ESCO2: variants seen among roughly 807,000 people sequenced by gnomAD.
The protein encoded by ESCO2 is N-acetyltransferase ESCO2.
Under a neutral mutation model 61.7 loss-of-function variants are expected in ESCO2, and 51 were observed. The observed-to-expected ratio is 0.83, with a 90% CI of 0.66 to 1.04. The LOEUF (loss-of-function observed/expected upper bound fraction) is 1.04. ESCO2 is among the 50% of genes least tolerant of loss of function. The pLI is 0.00. For synonymous variants in ESCO2, 230 were observed against 238.2 expected, an observed-to-expected ratio of 0.97 and a Z score of 0.32; for missense variants, 692 against 686.2, an observed-to-expected ratio of 1.01 and a Z score of -0.09.
At position 27,776,671 on chromosome 8, in the gene ESCO2, T is replaced by C. The variant is rs1804799146; in HGVS notation, c.363T>C (p.Ile121=). 1 of 1,613,828 alleles carries C rather than the reference T, an allele frequency of 6.2e-7. No individual in the cohort carries two copies. Among genetic ancestry groups the C allele is most frequent in the Non-Finnish European group, 8.5e-7 (1 of 1,180,006 alleles). The change falls in exon 3 of 11, where the codon ATT becomes ATC. Residue 121 remains isoleucine, a synonymous_variant. Coordinates refer to ENST00000305188, the MANE Select transcript of ESCO2 (RefSeq NM_001017420.3). ...ATGATGAAGATAAATCTTTTCCCAT[T>C]GTGACAGAAAAAATGCAAGGAAAAC... ...KTNDEDKSFP[I]VTEKMQGKPV...
chr8:27,775,013 G>A (rs1443160701), intron 1 of ESCO2, among the ~76,000 whole-genome samples: 1 of 152,166 alleles, frequency 6.6e-6, no homozygotes, highest in Non-Finnish European at 1.5e-5. Context: ...GTGCTGCTTT[G>A]GGGGGAATTT....
At chr8:27,772,451 GC>G, upstream of ESCO2, 2 of 1,512,104 alleles carry the variant, frequency 1.3e-6, no homozygotes, top group Non-Finnish European at 1.8e-6. Flanking sequence ...GCGGCGGACT[GC>G]GGGTCCCGGC....
intron 5 of ESCO2, among the ~76,000 whole-genome samples, chr8:27,786,746 G>A (rs1283374786): frequency 7.4e-5 from 11 of 148,102 alleles, no homozygotes. Context: ...TAAGAAGATA[G>A]CTTGACTTAG....
At chr8:27,799,809 A>G in intron 10 of ESCO2, 93 bp downstream of exon 10, 1 of 1,415,134 alleles carries the variant, frequency 7.1e-7, no homozygotes, top group Non-Finnish European at 1.0e-6. Context: ...GATATTGGTA[A>G]GATACTTCAG....
chr8:27,795,120 A>G (rs28867673), intron 9 of ESCO2, among the ~76,000 whole-genome samples: 16,195 of 152,258 alleles, frequency 0.11, 969 homozygotes, highest in East Asian at 0.25. Context: ...TAGTATGGAC[A>G]TTTTAACGAT....
At chr8:27,782,948 A>T (rs1804957847) in intron 4 of ESCO2, among the ~76,000 whole-genome samples, 3 of 151,998 alleles carry the variant, frequency 2.0e-5, no homozygotes, top group Admixed American at 2.0e-4. Flanking sequence ...ATTCCATCTT[A>T]GGCTACCTCA....
chr8:27,814,465 A>T (rs1805772379), downstream of ESCO2, among the ~76,000 whole-genome samples: 1 of 151,996 alleles, frequency 6.6e-6, no homozygotes, highest in Non-Finnish European at 1.5e-5. Flanking sequence ...TTATCTTTTC[A>T]AATAACCAGC....
chr8:27,787,328 GTT>G (rs74373717), intron 5 of ESCO2, among the ~76,000 whole-genome samples: 1 of 145,130 alleles, frequency 6.9e-6, no homozygotes. Context: ...ATATGTTTTT[GTT>G]TTTTTTTTTT....
chr8:27,797,994 T>G (rs949388204), intron 9 of ESCO2, among the ~76,000 whole-genome samples: 32 of 152,236 alleles, frequency 2.1e-4, no homozygotes, highest in Non-Finnish European at 3.4e-4. Context: ...CAATGTTGTG[T>G]TGTTCGTAAT....
upstream of ESCO2, chr8:27,772,659 G>C: frequency 1.0e-6 from 1 of 959,608 alleles, no homozygotes; most frequent in Non-Finnish European, 1.6e-6. Context: ...CACTTCCGGC[G>C]GACGTCGGGG....
At chr8:27,788,053 C>T (rs781129234) in intron 6 of ESCO2, 51 bp downstream of exon 6, 2 of 1,314,684 alleles carry the variant, frequency 1.5e-6, no homozygotes, top group South Asian at 1.2e-5. Context: ...TGCAGAAAAG[C>T]TTGCCAACCC....
At chr8:27,777,337 T>C in intron 3 of ESCO2, 168 bp downstream of exon 3, 1 of 624,268 alleles carries the variant, frequency 1.6e-6, no homozygotes, top group South Asian at 2.2e-5. Flanking sequence ...ACAGGGTCTT[T>C]CTTTATGACC....
Position 27,776,511 on chromosome 8 carries a change from T to A in ESCO2, c.203T>A (p.Leu68Gln). The change falls in exon 3 of 11, where the codon CTG (leucine) becomes CAG (glutamine). Residue 68 changes from leucine to glutamine, a missense_variant. Coordinates refer to ENST00000305188, the MANE Select transcript of ESCO2 (RefSeq NM_001017420.3). ...SALKTTEINR[L>Q]PSANQGSPFK... is the part of the protein sequence containing the mutation. ...CTCAAAACAACTGAAATAAATAGACTGCCATCAGCAAATCAAGGCTCACCA... is the reference window on the plus strand; with the variant it reads ...CTCAAAACAACTGAAATAAATAGACAGCCATCAGCAAATCAAGGCTCACCA... The A allele has an allele frequency of 6.2e-7, 1 of 1,613,944 alleles. No individual in the cohort carries two copies. The highest frequency in any genetic ancestry group is 1.1e-5 in the South Asian group (1 of 90,970).
At chr8:27,816,535 C>T (rs1373741226), downstream of ESCO2, among the ~76,000 whole-genome samples, 2 of 151,492 alleles carry the variant, frequency 1.3e-5, no homozygotes, top group African/African-American at 4.9e-5. Context: ...CGCCACCACG[C>T]CTGGTTAATT....
downstream of ESCO2, chr8:27,805,415 A>G (rs1210733617): frequency 6.6e-6 from 1 of 151,414 alleles, no homozygotes; most frequent in Non-Finnish European, 1.5e-5. Flanking sequence ...TCACTTCAGT[A>G]TGTCTTAGAT....
intron 4 of ESCO2, among the ~76,000 whole-genome samples, 185 bp from the exon 5 acceptor site, chr8:27,783,815 A>C (rs907943102): frequency 4.6e-5 from 7 of 152,166 alleles, no homozygotes; most frequent in African/African-American, 1.7e-4. Context: ...ATTTTTTTGC[A>C]TGTGGACATT....
At chr8:27,807,526 T>G, downstream of ESCO2, among the ~76,000 whole-genome samples, 1 of 152,234 alleles carries the variant, frequency 6.6e-6, no homozygotes, top group Admixed American at 6.5e-5. Flanking sequence ...TCTTTTGGAC[T>G]TTTCATGTGT....
At chr8:27,789,781 CAAAAAAAA>C (rs905844657) in intron 7 of ESCO2, among the ~76,000 whole-genome samples, 1 of 56,546 alleles carries the variant, frequency 1.8e-5, no homozygotes, top group Non-Finnish European at 3.9e-5. Flanking sequence ...AACTCCATCT[CAAAAAAAA>C]AAAAAAAAAG....
Position 27,776,719 on chromosome 8 carries a change from C to T in ESCO2, c.411C>T (p.Asn137=), listed in dbSNP as rs2128951158. 6.2e-7 allele frequency: 1 copy of T among 1,613,692 alleles called. No individual in the cohort carries two copies. The stretch of plus-strand genomic sequence containing the variant: ...AACCAGTCTGCTCCAAGAAGAACAA[C>T]AAAAAACCACAGAAGAGTTTAACTG... The part of the protein sequence containing the change: ...QGKPVCSKKN[N]KKPQKSLTAK... The change falls in exon 3 of 11, where the codon AAC becomes AAT. Residue 137 remains asparagine, a synonymous_variant. Coordinates refer to ENST00000305188, the MANE Select transcript of ESCO2 (RefSeq NM_001017420.3).
Sources: allele counts gnomAD v4.1 joint callset (sites outside exome capture counted in the v4.1 genomes callset), GRCh38; gene constraint gnomAD v4.1.1; transcripts MANE v1.5; gene names NCBI Gene and HGNC (gene_info 2026-07-23, HGNC 2026-07-21).